The following KAZN variants were observed in gnomAD, a reference collection of about 807,000 sequenced individuals.
KAZN encodes the protein kazrin, periplakin interacting protein, also known as kazrin.
KAZN carries 40 observed loss-of-function variants against 87.4 expected under a neutral mutation model. That is an observed-to-expected ratio of 0.46 (90% confidence interval 0.36 to 0.60). The LOEUF is 0.60. Among genes scored for constraint, KAZN ranks in the 20% least tolerant of loss-of-function variants. The probability of loss-of-function intolerance (pLI) is 0.00; values close to 1 mark genes in which losing one functional copy is unlikely to be tolerated. For synonymous variants in KAZN, 466 were observed against 458.3 expected (o/e 1.02, Z -0.22); for missense variants, 898 against 1,073.9 (o/e 0.84, Z 2.29).
chr1:14,907,421 A>G (rs928064446), intron 1 of KAZN, among the ~76,000 whole-genome samples: 1 of 151,800 alleles, frequency 6.6e-6, no homozygotes, highest in African/African-American at 2.4e-5. Flanking sequence ...AAAAAAACAA[A>G]AAGTGCAGAA....
At chr1:14,405,709 A>G (rs1663796939) in intron 2 of KAZN, among the ~76,000 whole-genome samples, 1 of 151,678 alleles carries the variant, frequency 6.6e-6, no homozygotes, top group African/African-American at 2.4e-5. Context: ...GAGGTTTACA[A>G]GTTCCAAAGA....
intron 2 of KAZN, among the ~76,000 whole-genome samples, chr1:14,455,031 T>A (rs1667488378): frequency 6.7e-6 from 1 of 149,712 alleles, no homozygotes; most frequent in Admixed American, 6.7e-5. Context: ...ATAGAGCTGC[T>A]CATGACTTAG....
chr1:15,046,635 TTTACTAAGGGCCAGGCCCCAGGACAGGCC>T (rs1157562404), intron 4 of KAZN, among the ~76,000 whole-genome samples: 1 of 152,118 alleles, frequency 6.6e-6, no homozygotes, highest in Non-Finnish European at 1.5e-5. Context: ...GGCAGGATGG[TTTACTAAGGGCCAGGCCCCAGGACAGGCC>T]GGGGCAGGAT....
intron 1 of KAZN, among the ~76,000 whole-genome samples, chr1:14,023,795 T>C (rs1640952535): frequency 6.6e-6 from 1 of 152,148 alleles, no homozygotes; most frequent in Non-Finnish European, 1.5e-5. Context: ...GAGTTCCGGC[T>C]CTGCTGATCT....
chr1:14,950,212 C>T (rs1356074974), intron 1 of KAZN, among the ~76,000 whole-genome samples: 1 of 152,028 alleles, frequency 6.6e-6, no homozygotes, highest in African/African-American at 2.4e-5. Context: ...TGTACTGCTT[C>T]CCATCACCCC....
intron 1 of KAZN, among the ~76,000 whole-genome samples, chr1:14,109,120 G>A (rs1255119166): frequency 6.6e-6 from 1 of 152,176 alleles, no homozygotes; most frequent in Non-Finnish European, 1.5e-5. Context: ...ATGACAGAGA[G>A]GTACTGCCTG....
At chr1:14,146,307 G>T (rs945792542) in intron 1 of KAZN, among the ~76,000 whole-genome samples, 22 of 152,028 alleles carry the variant, frequency 1.4e-4, no homozygotes, top group African/African-American at 4.8e-4. Context: ...GGCCGAGGCA[G>T]GTGGATCGCC....
At chr1:14,687,182 T>C (rs1201061729) in intron 1 of KAZN, among the ~76,000 whole-genome samples, 1 of 152,156 alleles carries the variant, frequency 6.6e-6, no homozygotes, top group African/African-American at 2.4e-5. Flanking sequence ...GATAATTACT[T>C]CTGTATTAAA....
At chr1:14,843,047 C>T (rs1423712763) in intron 1 of KAZN, among the ~76,000 whole-genome samples, 1 of 152,194 alleles carries the variant, frequency 6.6e-6, no homozygotes, top group Non-Finnish European at 1.5e-5. Flanking sequence ...CTTTGGCCCC[C>T]TCCCTCCCCA....
intron 1 of KAZN, among the ~76,000 whole-genome samples, chr1:14,626,993 T>C (rs1240709983): frequency 6.6e-6 from 1 of 152,048 alleles, no homozygotes; most frequent in East Asian, 1.9e-4. Context: ...ACTCGGTAAA[T>C]ATTTATTACT....
Position 14,923,422 on chromosome 1 carries a change from C to T in KAZN, c.227-37262C>T, listed in dbSNP as rs1434972879. Among the ~76,000 whole-genome samples, 1 of 152,230 alleles carries T rather than the reference C, an allele frequency of 6.6e-6. No homozygotes were observed. Among genetic ancestry groups the T allele is most frequent in the African/African-American group, 2.4e-5 (1 of 41,464 alleles). Reference sequence around the variant, plus strand: ...AGACCCTCCAAGGTGCCACTTCCTACAGGGTTTGCCTGGCCTTGTCACTGT... The same window carrying T: ...AGACCCTCCAAGGTGCCACTTCCTATAGGGTTTGCCTGGCCTTGTCACTGT... On this transcript the variant is annotated intron_variant, in intron 1 of 14. Coordinates refer to ENST00000376030, the MANE Select transcript of KAZN (RefSeq NM_201628.3). The surrounding 1 kb of genome is among the most constrained non-coding windows in gnomAD (Gnocchi z 4.2).
intron 2 of KAZN, among the ~76,000 whole-genome samples, chr1:15,034,494 C>T (rs928282618): frequency 1.4e-5 from 2 of 147,304 alleles, no homozygotes; most frequent in African/African-American, 2.6e-5. Flanking sequence ...AAAGCAGTTT[C>T]GACAACGACT....
intron 1 of KAZN, among the ~76,000 whole-genome samples, chr1:14,832,433 T>C (rs114252789): frequency 0.01 from 1,548 of 152,258 alleles, 20 homozygotes; most frequent in Non-Finnish European, 0.016. Context: ...TCCCAGACTT[T>C]TCAGTAGACA....
chr1:14,411,435 C>T (rs796376574), intron 2 of KAZN, among the ~76,000 whole-genome samples: 37 of 152,290 alleles, frequency 2.4e-4, no homozygotes, highest in African/African-American at 8.7e-4. Flanking sequence ...GCTGTAATTA[C>T]AGGCATGCAC....
chr1:14,959,501 T>C (rs1171305603), intron 1 of KAZN, among the ~76,000 whole-genome samples: 1 of 151,940 alleles, frequency 6.6e-6, no homozygotes, highest in African/African-American at 2.4e-5. Context: ...CCCTCTGAGA[T>C]GTAAAATGAA....
intron 1 of KAZN, chr1:14,924,497 G>C: frequency 1.0e-6 from 1 of 997,902 alleles, no homozygotes; most frequent in East Asian, 1.1e-4. Context: ...GCAGTGCGTG[G>C]ACGCGGCGGG....
At chr1:14,859,376 C>T (rs114673337) in intron 1 of KAZN, among the ~76,000 whole-genome samples, 2,095 of 152,206 alleles carry the variant, frequency 0.014, 62 homozygotes, top group African/African-American at 0.048. Flanking sequence ...GGGTGACTGG[C>T]CCACGGTCAC....
intron 2 of KAZN, among the ~76,000 whole-genome samples, chr1:15,023,583 G>C (rs888317562): frequency 6.6e-6 from 1 of 152,126 alleles, no homozygotes. Flanking sequence ...ATCTTGGGGG[G>C]GTCCTTGTAG....
intron 2 of KAZN, among the ~76,000 whole-genome samples, chr1:14,533,331 G>A (rs1672315912): frequency 6.6e-6 from 1 of 152,194 alleles, no homozygotes; most frequent in Non-Finnish European, 1.5e-5. Flanking sequence ...AGCAACTAGA[G>A]ACAGAAAAAT....
Sources: gnomAD v4.1 joint callset for allele counts (sites outside exome capture counted in the v4.1 genomes callset) on GRCh38, gnomAD v4.1.1 for gene constraint, Gnocchi (gnomAD v3.1) non-coding constraint, MANE v1.5 for transcripts, NCBI Gene and HGNC (gene_info 2026-07-23, HGNC 2026-07-21) for gene names.